TTC17: variants seen among roughly 807,000 people sequenced by gnomAD.
TTC17 encodes tetratricopeptide repeat protein 17.
In TTC17, 58 loss-of-function variants were observed where a neutral mutation model predicts 143.8. That is an observed-to-expected ratio of 0.40 (90% CI 0.33 to 0.50). The LOEUF (loss-of-function observed/expected upper bound fraction) is 0.50, where lower values mean the gene tolerates loss of function less well. Ranked by LOEUF, TTC17 falls within the 20% of genes least tolerant of loss-of-function variation. The pLI is 0.49. For synonymous variants in TTC17, 501 were observed against 497.8 expected (o/e 1.01, Z -0.09); for missense variants, 1,273 against 1,392.5 (o/e 0.91, Z 1.37).
chr11:43,398,102 G>C lies in TTC17; in HGVS notation c.1047G>C (p.Glu349Asp). ...LCQQKLEQKLEAQHRSLQRTL... is the reference protein window; with the variant it reads ...LCQQKLEQKLDAQHRSLQRTL... ...AGCAAAAACTGGAGCAGAAATTGGA[G>C]GCTCAGCATAGGTAATTGAGAGGAA... Residue 349 changes from glutamate to aspartate, a missense_variant, in exon 8 of 24, where the codon GAG (glutamate) becomes GAC (aspartate). Physicochemically the swap from Glu to Asp is conservative, Grantham distance 45. Coordinates refer to ENST00000039989, the MANE Select transcript of TTC17 (RefSeq NM_018259.6). The C allele has an allele frequency of 1.2e-6, 2 of 1,613,986 alleles. No individual in the cohort carries two copies. The highest frequency in any genetic ancestry group is 1.7e-6 in the Non-Finnish European group (2 of 1,179,966).
At chr11:43,473,216 A>C (rs150146093) in intron 21 of TTC17, among the ~76,000 whole-genome samples, 4 of 152,178 alleles carry the variant, frequency 2.6e-5, no homozygotes, top group African/African-American at 9.6e-5. Flanking sequence ...TTTTGGTAAC[A>C]TTAAGCACTA....
At chr11:43,449,984 G>A in intron 19 of TTC17, 98 bp from the exon 20 acceptor site, 1 of 1,351,902 alleles carries the variant, frequency 7.4e-7, no homozygotes, top group South Asian at 1.4e-5. Flanking sequence ...TGAGCTGATT[G>A]TTAATGCTGT....
At chr11:43,473,578 T>C (rs1948129039) in intron 21 of TTC17, among the ~76,000 whole-genome samples, 1 of 152,192 alleles carries the variant, frequency 6.6e-6, no homozygotes, top group African/African-American at 2.4e-5. Flanking sequence ...ACATTGCTAA[T>C]GAAAATGTGA....
chr11:43,451,064 C>A, intron 20 of TTC17, 118 bp from the exon 21 acceptor site: 1 of 862,212 alleles, frequency 1.2e-6, no homozygotes. Context: ...AGGACCACAG[C>A]ATGTATCCCA....
intron 2 of TTC17, among the ~76,000 whole-genome samples, chr11:43,382,382 C>T (rs1361422045): frequency 2.0e-5 from 3 of 152,032 alleles, no homozygotes; most frequent in Non-Finnish European, 4.4e-5. Context: ...AATTTATTTA[C>T]TTATTGGGCT....
intron 16 of TTC17, among the ~76,000 whole-genome samples, chr11:43,427,460 CA>C (rs901027700): frequency 2.0e-5 from 3 of 152,150 alleles, no homozygotes; most frequent in African/African-American, 7.2e-5. Flanking sequence ...ATCTTGGTAC[CA>C]AATGATGATG....
intron 1 of TTC17, among the ~76,000 whole-genome samples, chr11:43,360,522 C>G (rs939308259): frequency 1.3e-5 from 2 of 152,130 alleles, no homozygotes; most frequent in African/African-American, 2.4e-5. Flanking sequence ...TTTTGGGGAG[C>G]CTTTCTCCTG....
At chr11:43,401,588 T>C (rs759707578) in intron 10 of TTC17, 30 bp downstream of exon 10, 18 of 1,463,136 alleles carry the variant, frequency 1.2e-5, no homozygotes, top group South Asian at 3.8e-5. Flanking sequence ...CTAATTCTTA[T>C]AAACGTTTGC....
intron 16 of TTC17, among the ~76,000 whole-genome samples, chr11:43,422,017 G>A (rs138287176): frequency 1.1e-3 from 170 of 152,292 alleles, no homozygotes; most frequent in African/African-American, 3.3e-3. Flanking sequence ...GGGTAAGAGC[G>A]GAAGCATGAA....
intron 1 of TTC17, 148 bp from the exon 2 acceptor site, chr11:43,379,085 T>C: frequency 1.4e-6 from 1 of 735,858 alleles, no homozygotes; most frequent in South Asian, 1.6e-5. Flanking sequence ...TTACATGTGA[T>C]CACTTTGAAA....
chr11:43,411,067 G>C (rs1248968757), intron 15 of TTC17, among the ~76,000 whole-genome samples: 1 of 152,124 alleles, frequency 6.6e-6, no homozygotes, highest in Non-Finnish European at 1.5e-5. Context: ...CTTATAAAAA[G>C]TCAAATGTTG....
At chr11:43,424,827 G>T (rs1367107462) in intron 16 of TTC17, among the ~76,000 whole-genome samples, 1 of 152,166 alleles carries the variant, frequency 6.6e-6, no homozygotes, top group Non-Finnish European at 1.5e-5. Flanking sequence ...ACCTTGATGG[G>T]CAATTGAAGA....
At position 43,438,938 on chromosome 11, in the gene TTC17, C is replaced by T. The variant is rs950629818; in HGVS notation, c.2252-4387C>T. On this transcript the variant is annotated intron_variant, in intron 16 of 23. Transcript: ENST00000039989. ...ATGATCCCAGTTTCTTCCCGGATAACCATTGTCATTTGATCCAAAAGTCTT... is the reference window on the plus strand; with the variant it reads ...ATGATCCCAGTTTCTTCCCGGATAATCATTGTCATTTGATCCAAAAGTCTT... Among the ~76,000 whole-genome samples, 8 of 152,318 alleles carry T rather than the reference C, an allele frequency of 5.3e-5. No individual in the cohort carries two copies. In the South Asian group the frequency reaches 1.5e-3, roughly 28 times the overall value.
intron 1 of TTC17, among the ~76,000 whole-genome samples, chr11:43,369,619 CTT>C (rs755414628): frequency 2.7e-4 from 38 of 140,494 alleles, no homozygotes; most frequent in Non-Finnish European, 2.5e-4. Flanking sequence ...TTTCTGATTT[CTT>C]TTTTTTTTTT....
chr11:43,441,698 C>T (rs546290716), intron 16 of TTC17, among the ~76,000 whole-genome samples: 32 of 152,198 alleles, frequency 2.1e-4, no homozygotes, highest in African/African-American at 7.5e-4. Flanking sequence ...TCGCCCCAAC[C>T]CCAGCAGCCT....
chr11:43,434,719 G>A (rs1485639857), intron 16 of TTC17, among the ~76,000 whole-genome samples: 1 of 152,138 alleles, frequency 6.6e-6, no homozygotes, highest in Non-Finnish European at 1.5e-5. Context: ...TTGCTGTCTT[G>A]TATTTACTGT....
intron 16 of TTC17, among the ~76,000 whole-genome samples, chr11:43,418,860 A>G (rs1946837058): frequency 6.6e-6 from 1 of 152,200 alleles, no homozygotes; most frequent in Non-Finnish European, 1.5e-5. Context: ...ATTACCGTAA[A>G]ATATTTTTGA....
chr11:43,410,943 T>C (rs1296352445), intron 15 of TTC17, among the ~76,000 whole-genome samples: 1 of 152,244 alleles, frequency 6.6e-6, no homozygotes, highest in Non-Finnish European at 1.5e-5. Flanking sequence ...CTTCTACTGC[T>C]GTCCCATCCA....
Position 43,450,223 on chromosome 11 carries a change from G to A in TTC17, c.2928G>A (p.Gly976=), listed in dbSNP as rs1947631282. ...ACCGAGCCAGCCTGCACTACACAGG[G>A]GAGAGTCAGTTAACAGAGGTGAGTG... ...VSNRASLHYT[G]ESQLTEVLQN... Residue 976 remains glycine, a synonymous_variant, in exon 20 of 24, where the codon GGG becomes GGA. Transcript: ENST00000039989. 6.2e-7 allele frequency: 1 copy of A among 1,613,820 alleles called. No individual in the cohort carries two copies. Among genetic ancestry groups the A allele is most frequent in the Middle Eastern group, 1.7e-4 (1 of 6,060 alleles).
Sources: gnomAD v4.1 joint callset for allele counts (sites outside exome capture counted in the v4.1 genomes callset) on GRCh38, gnomAD v4.1.1 for gene constraint, MANE v1.5 for transcripts, NCBI Gene and HGNC (gene_info 2026-07-23, HGNC 2026-07-21) for gene names.